DPP10: variants seen among roughly 807,000 people sequenced by gnomAD.
DPP10 encodes dipeptidyl peptidase like 10, also known as inactive dipeptidyl peptidase 10.
Under a neutral mutation model 120.9 loss-of-function variants are expected in DPP10, and 33 were observed. That is an observed-to-expected ratio of 0.27 (90% CI 0.21 to 0.37). DPP10 has a LOEUF of 0.37. Among genes scored for constraint, DPP10 ranks in the 10% least tolerant of loss-of-function variants. The probability of loss-of-function intolerance (pLI) is 1.00; values close to 1 mark genes in which losing one functional copy is unlikely to be tolerated. For missense variants in DPP10, 816 were observed against 942.8 expected (o/e 0.87, Z 1.76); for synonymous variants, 337 against 326.1 (o/e 1.03, Z -0.36).
intron 1 of DPP10, among the ~76,000 whole-genome samples, chr2:114,527,721 T>C (rs1206043910): frequency 6.6e-6 from 1 of 152,122 alleles, no homozygotes; most frequent in Non-Finnish European, 1.5e-5. Context: ...TATGCAAACA[T>C]CACAGAGTAT....
At chr2:115,708,169 G>T (rs974694800) in intron 7 of DPP10, among the ~76,000 whole-genome samples, 9 of 151,884 alleles carry the variant, frequency 5.9e-5, no homozygotes, top group Non-Finnish European at 1.0e-4. Context: ...TAGAGTAGTA[G>T]AATAATGTTG....
intron 5 of DPP10, among the ~76,000 whole-genome samples, chr2:115,686,092 G>C (rs1360951089): frequency 7.2e-5 from 11 of 151,966 alleles, no homozygotes; most frequent in Admixed American, 6.6e-4. Context: ...TCCTGTTTCA[G>C]CTCTTTTACT....
intron 3 of DPP10, among the ~76,000 whole-genome samples, chr2:115,422,991 A>G (rs1399272715): frequency 3.3e-5 from 5 of 152,132 alleles, no homozygotes; most frequent in Non-Finnish European, 7.4e-5. Flanking sequence ...TCACTGTCCA[A>G]CTGAAATATA....
Position 114,534,880 on chromosome 2 carries a change from A to G in DPP10, c.60+92042A>G, listed in dbSNP as rs559703987. On this transcript the variant is annotated intron_variant, in intron 1 of 25. Coordinates refer to ENST00000410059, the MANE Select transcript of DPP10 (RefSeq NM_020868.6). ...CCTTTATCTGCCTCTCCTGGTTCCA[A>G]ACATGACTGGGATGCCCCCTTCTGG... 5.3e-5 allele frequency among the ~76,000 whole-genome samples: 8 copies of G among 152,256 alleles called. No homozygotes were observed. In the East Asian group the frequency reaches 5.8e-4, roughly 11 times the overall value.
At chr2:115,647,306 T>C (rs147743714) in intron 5 of DPP10, among the ~76,000 whole-genome samples, 1 of 152,244 alleles carries the variant, frequency 6.6e-6, no homozygotes, top group East Asian at 1.9e-4. Flanking sequence ...CAGTAGGCAG[T>C]TGAAGTTGTG....
intron 1 of DPP10, among the ~76,000 whole-genome samples, chr2:114,588,373 A>G (rs1290416788): frequency 6.6e-6 from 1 of 152,258 alleles, no homozygotes; most frequent in Admixed American, 6.5e-5. Flanking sequence ...ATGTTCATGA[A>G]GAAATTTTAT....
At chr2:115,470,447 G>A (rs540455664) in intron 3 of DPP10, among the ~76,000 whole-genome samples, 1 of 152,120 alleles carries the variant, frequency 6.6e-6, no homozygotes, top group African/African-American at 2.4e-5. Context: ...CATAGCATAT[G>A]AACAAGTAGA....
intron 19 of DPP10, among the ~76,000 whole-genome samples, chr2:115,796,652 T>G (rs1575802460): frequency 6.6e-6 from 1 of 152,268 alleles, no homozygotes; most frequent in East Asian, 1.9e-4. Flanking sequence ...ATTGATTGAT[T>G]TTCATGCTGT....
chr2:114,783,435 G>GC lies in DPP10; in HGVS notation c.60+340598dup, dbSNP rs534672370. 6.3e-3 allele frequency among the ~76,000 whole-genome samples: 960 copies of GC among 152,242 alleles called. 13 individuals carry two copies. The highest frequency in any genetic ancestry group is 0.021 in the African/African-American group (882 of 41,562). On this transcript the variant is annotated intron_variant, in intron 1 of 25. Transcript: ENST00000410059. ...AAGACAGAACAGATATAAGAAGAGT[G>GC]CGTTAAAACAATTTACCTGTTCTCA... is the stretch of plus-strand genomic sequence containing the variant.
intron 1 of DPP10, among the ~76,000 whole-genome samples, chr2:114,506,575 C>T (rs1190766888): frequency 2.0e-5 from 3 of 152,124 alleles, no homozygotes; most frequent in Non-Finnish European, 4.4e-5. Context: ...TGTAACACTC[C>T]TTCTAGGGCT....
At chr2:114,494,115 A>AAAAAAAAAAAAAAAC (rs1558810512) in intron 1 of DPP10, among the ~76,000 whole-genome samples, 1 of 142,546 alleles carries the variant, frequency 7.0e-6, no homozygotes, top group Non-Finnish European at 1.6e-5. Flanking sequence ...AAAAAAAAAA[A>AAAAAAAAAAAAAAAC]AAAAAACCCA....
intron 1 of DPP10, among the ~76,000 whole-genome samples, chr2:115,082,673 A>T (rs1291268185): frequency 6.6e-6 from 1 of 152,128 alleles, no homozygotes; most frequent in East Asian, 1.9e-4. Flanking sequence ...TTACTGGACG[A>T]TTTGAGTCCA....
chr2:115,556,367 T>A (rs2080213028), intron 5 of DPP10, among the ~76,000 whole-genome samples: 1 of 149,476 alleles, frequency 6.7e-6, no homozygotes, highest in South Asian at 2.1e-4. Flanking sequence ...TTGGCAGGTT[T>A]TTTTTTTTTT....
At chr2:114,593,856 C>G (rs13014047) in intron 1 of DPP10, among the ~76,000 whole-genome samples, 12,725 of 152,126 alleles carry the variant, frequency 0.084, 645 homozygotes, top group South Asian at 0.11. Context: ...CCACTTGCAA[C>G]AAGAATCAGC....
intron 1 of DPP10, among the ~76,000 whole-genome samples, chr2:114,985,604 G>A (rs1445526095): frequency 2.0e-5 from 3 of 152,162 alleles, no homozygotes; most frequent in Admixed American, 6.5e-5. Flanking sequence ...CCACAAATGA[G>A]CCAAGGAAAA....
intron 1 of DPP10, chr2:115,234,068 A>G (rs1326777822): frequency 2.4e-6 from 1 of 410,798 alleles, no homozygotes; most frequent in Non-Finnish European, 4.7e-6. Context: ...GCAATAGAAT[A>G]ATGATGAAGA....
At chr2:114,525,516 A>G (rs926949102) in intron 1 of DPP10, among the ~76,000 whole-genome samples, 1 of 152,334 alleles carries the variant, frequency 6.6e-6, no homozygotes, top group African/African-American at 2.4e-5. Flanking sequence ...TGCAATTTCA[A>G]CAACCACTCT....
intron 1 of DPP10, among the ~76,000 whole-genome samples, chr2:115,008,060 A>G (rs1245310221): frequency 6.7e-6 from 1 of 148,576 alleles, no homozygotes; most frequent in African/African-American, 2.5e-5. Flanking sequence ...CTTTCTTCAC[A>G]GAATTGGAAA....
At chr2:114,876,263 G>A (rs1449008050) in intron 1 of DPP10, among the ~76,000 whole-genome samples, 3 of 152,082 alleles carry the variant, frequency 2.0e-5, no homozygotes, top group Non-Finnish European at 4.4e-5. Context: ...ATTTATAATG[G>A]CATCACCAGC....
Sources: gnomAD v4.1 joint callset for allele counts (sites outside exome capture counted in the v4.1 genomes callset) on GRCh38, gnomAD v4.1.1 for gene constraint, MANE v1.5 for transcripts, NCBI Gene and HGNC (gene_info 2026-07-23, HGNC 2026-07-21) for gene names.